FGF14: variants seen among roughly 807,000 people sequenced by gnomAD.
FGF14 encodes fibroblast growth factor homologous factor 4.
A neutral mutation model predicts 25.5 loss-of-function variants in FGF14; 5 were observed. That is an observed-to-expected ratio of 0.20 (90% CI 0.10 to 0.41). The LOEUF is 0.41. Ranked by LOEUF, FGF14 falls within the 10% of genes least tolerant of loss-of-function variation. The probability of loss-of-function intolerance (pLI) is 1.00; values close to 1 mark genes in which losing one functional copy is unlikely to be tolerated. For synonymous variants in FGF14, 138 were observed against 118.3 expected (o/e 1.17, Z -1.08); for missense variants, 222 against 320.1 (o/e 0.69, Z 2.34).
intron 3 of FGF14, among the ~76,000 whole-genome samples, chr13:101,866,781 A>T (rs1448363204): frequency 6.6e-6 from 1 of 152,196 alleles, no homozygotes; most frequent in Non-Finnish European, 1.5e-5. Flanking sequence ...ATAGATTCAT[A>T]ATCGCTTTTG....
intron 3 of FGF14, among the ~76,000 whole-genome samples, chr13:101,817,820 C>G (rs1479685473): frequency 2.6e-5 from 4 of 152,158 alleles, no homozygotes; most frequent in Non-Finnish European, 5.9e-5. Context: ...GCATTAGTAA[C>G]AGTCTGAGAA....
Position 102,103,872 on chromosome 13 carries a change from A to G in FGF14, c.209-228576T>C, listed in dbSNP as rs190687671. Reference sequence around the variant, plus strand: ...CGCCAGAGGGTCCTTCTTCATTATCAAAACCTGGGGACATTGGCCATGGTC... The same window carrying G: ...CGCCAGAGGGTCCTTCTTCATTATCGAAACCTGGGGACATTGGCCATGGTC... On this transcript the variant is annotated intron_variant, in intron 1 of 4. Transcript: ENST00000376131. Among the ~76,000 whole-genome samples, 28 of 152,260 alleles carry G rather than the reference A, an allele frequency of 1.8e-4. No homozygotes were observed. The East Asian group carries it at 4.8e-3, about 26-fold the overall frequency.
chr13:101,942,644 C>T (rs923722884), intron 1 of FGF14, among the ~76,000 whole-genome samples: 1 of 152,180 alleles, frequency 6.6e-6, no homozygotes, highest in Middle Eastern at 3.2e-3. Context: ...TTCCTAGGAA[C>T]TAGTTCTGCA....
At chr13:102,201,027 G>A (rs1013763329) in intron 1 of FGF14, among the ~76,000 whole-genome samples, 15 of 147,022 alleles carry the variant, frequency 1.0e-4, no homozygotes, top group Non-Finnish European at 1.5e-4. Context: ...GCGTGAACCC[G>A]GGAGGCGGAG....
At chr13:102,137,893 G>A (rs899691005) in intron 1 of FGF14, among the ~76,000 whole-genome samples, 1 of 150,768 alleles carries the variant, frequency 6.6e-6, no homozygotes, top group African/African-American at 2.4e-5. Context: ...GGTGACACAG[G>A]AGGTGGGCCT....
chr13:102,082,625 T>A (rs115847732), intron 1 of FGF14, among the ~76,000 whole-genome samples: 1,660 of 152,332 alleles, frequency 0.011, 25 homozygotes, highest in African/African-American at 0.038. Context: ...TGACAAAGTA[T>A]AATATTCCAA....
chr13:101,817,265 CT>C (rs1193527303), intron 3 of FGF14, among the ~76,000 whole-genome samples: 3 of 152,194 alleles, frequency 2.0e-5, no homozygotes, highest in Admixed American at 2.0e-4. Context: ...ATGATTCCCT[CT>C]TTTTCCTTTT....
chr13:102,178,934 G>A (rs1282203124), intron 1 of FGF14, among the ~76,000 whole-genome samples: 6 of 151,968 alleles, frequency 3.9e-5, no homozygotes, highest in African/African-American at 1.5e-4. Context: ...CATCCATTGG[G>A]GAACCTGATA....
chr13:101,853,925 A>C (rs1469432390), intron 3 of FGF14, among the ~76,000 whole-genome samples: 2 of 152,232 alleles, frequency 1.3e-5, no homozygotes, highest in East Asian at 3.9e-4. Flanking sequence ...ATGTGACCTC[A>C]AAATTATTAC....
chr13:102,032,670 T>C (rs1352221245), intron 1 of FGF14, among the ~76,000 whole-genome samples: 1 of 152,146 alleles, frequency 6.6e-6, no homozygotes, highest in Non-Finnish European at 1.5e-5. Context: ...GTGACACAGT[T>C]TGGGGGAGAG....
chr13:101,797,320 C>T (rs2040584540), intron 3 of FGF14, among the ~76,000 whole-genome samples: 2 of 152,026 alleles, frequency 1.3e-5, no homozygotes, highest in African/African-American at 4.8e-5. Flanking sequence ...CAGCTCTTGC[C>T]CTATGGTTCC....
intron 3 of FGF14, among the ~76,000 whole-genome samples, chr13:101,808,238 G>C (rs2041307740): frequency 2.0e-5 from 3 of 152,028 alleles, no homozygotes; most frequent in Admixed American, 6.6e-5. Flanking sequence ...ACATGCATCT[G>C]TGAATCTACT....
chr13:102,126,589 G>A (rs543462876), intron 1 of FGF14, among the ~76,000 whole-genome samples: 232 of 152,222 alleles, frequency 1.5e-3, no homozygotes, highest in African/African-American at 5.1e-3. Context: ...ACCTCGGAGT[G>A]GAATTATTGG....
intron 1 of FGF14, among the ~76,000 whole-genome samples, chr13:102,012,840 C>A (rs536224561): frequency 1.3e-5 from 2 of 152,048 alleles, no homozygotes; most frequent in Non-Finnish European, 2.9e-5. Context: ...ATATGAAACC[C>A]GCCTCTTCTG....
At chr13:101,758,832 T>G (rs1366413468) in intron 3 of FGF14, among the ~76,000 whole-genome samples, 1 of 152,190 alleles carries the variant, frequency 6.6e-6, no homozygotes, top group Non-Finnish European at 1.5e-5. Flanking sequence ...AGTTCTGGGT[T>G]GAGGGATGAG....
At chr13:102,380,914 T>C (rs1278167107) in intron 1 of FGF14, among the ~76,000 whole-genome samples, 1 of 152,148 alleles carries the variant, frequency 6.6e-6, no homozygotes, top group Non-Finnish European at 1.5e-5. Flanking sequence ...TATGTCCCAA[T>C]AAACCTATTG....
At chr13:102,290,621 A>G (rs934639445) in intron 1 of FGF14, among the ~76,000 whole-genome samples, 1 of 152,152 alleles carries the variant, frequency 6.6e-6, no homozygotes, top group African/African-American at 2.4e-5. Context: ...TTTCCATTAA[A>G]TTCTAGTGCT....
intron 1 of FGF14, among the ~76,000 whole-genome samples, chr13:102,196,685 CA>C: frequency 6.6e-6 from 1 of 152,126 alleles, no homozygotes; most frequent in South Asian, 2.1e-4. Context: ...TTTTTTGTGG[CA>C]AAAACATGTC....
chr13:101,865,716 G>A (rs1199924049), intron 3 of FGF14, among the ~76,000 whole-genome samples: 2 of 152,032 alleles, frequency 1.3e-5, no homozygotes, highest in South Asian at 2.1e-4. Context: ...AATAGAGGAA[G>A]ATACACCTCA....
Sources: allele counts gnomAD v4.1 joint callset (sites outside exome capture counted in the v4.1 genomes callset), GRCh38; gene constraint gnomAD v4.1.1; transcripts MANE v1.5; gene names NCBI Gene and HGNC (gene_info 2026-07-23, HGNC 2026-07-21).